The following RERE variants were observed in gnomAD, a reference collection of about 807,000 sequenced individuals.
RERE encodes the protein arginine-glutamic acid dipeptide repeats, also known as arginine-glutamic acid dipeptide repeats protein.
A neutral mutation model predicts 146.1 loss-of-function variants in RERE; 40 were observed. That is an observed-to-expected ratio of 0.27 (90% CI 0.21 to 0.36). The LOEUF (loss-of-function observed/expected upper bound fraction) is 0.36. Among genes scored for constraint, RERE ranks in the 10% least tolerant of loss-of-function variants. The probability of loss-of-function intolerance (pLI) is 1.00; values close to 1 mark genes in which losing one functional copy is unlikely to be tolerated. For synonymous variants in RERE, 1,003 were observed against 866.0 expected, an observed-to-expected ratio of 1.16 and a Z score of -2.78; for missense variants, 1,933 against 2,138.7, an observed-to-expected ratio of 0.90 and a Z score of 1.90.
chr1:8,446,525 GC>G (rs1392271282), intron 11 of RERE, among the ~76,000 whole-genome samples: 19 of 152,126 alleles, frequency 1.2e-4, no homozygotes, highest in Non-Finnish European at 1.5e-5. Context: ...TTGAATGCTG[GC>G]CTGTCTTGCT....
intron 1 of RERE, among the ~76,000 whole-genome samples, chr1:8,806,522 A>AAAT (rs904517094): frequency 1.3e-4 from 19 of 151,998 alleles, no homozygotes; most frequent in South Asian, 1.2e-3. Flanking sequence ...CCATCTCAAA[A>AAAT]AATAATAATA....
At chr1:8,362,908 C>T in intron 15 of RERE, 64 bp from the exon 16 acceptor site, 2 of 1,550,996 alleles carry the variant, frequency 1.3e-6, no homozygotes, top group Non-Finnish European at 1.7e-6. Flanking sequence ...CCCACCTGAG[C>T]CCAACCCACA....
chr1:8,604,124 A>AT (rs1179050489), intron 4 of RERE, among the ~76,000 whole-genome samples: 1 of 152,138 alleles, frequency 6.6e-6, no homozygotes, highest in Non-Finnish European at 1.5e-5. Context: ...TCTGGAACAA[A>AT]TGAATCAGTA....
intron 4 of RERE, among the ~76,000 whole-genome samples, chr1:8,565,300 C>T (rs1646140211): frequency 6.6e-6 from 1 of 152,050 alleles, no homozygotes; most frequent in Non-Finnish European, 1.5e-5. Flanking sequence ...ATTTTGTACT[C>T]CATACATATA....
At chr1:8,365,162 G>A (rs1178010327) in intron 13 of RERE, among the ~76,000 whole-genome samples, 2 of 152,168 alleles carry the variant, frequency 1.3e-5, no homozygotes, top group Non-Finnish European at 2.9e-5. Context: ...TCCCTAATAC[G>A]CCCAGGCAAT....
intron 10 of RERE, among the ~76,000 whole-genome samples, chr1:8,494,072 C>T (rs998294582): frequency 6.6e-6 from 1 of 152,120 alleles, no homozygotes; most frequent in African/African-American, 2.4e-5. Flanking sequence ...GTTATCTGAG[C>T]TGCTGTGTGT....
intron 1 of RERE, among the ~76,000 whole-genome samples, chr1:8,741,588 G>A (rs1235288649): frequency 1.3e-5 from 2 of 151,992 alleles, no homozygotes; most frequent in South Asian, 2.1e-4. Flanking sequence ...TCCCCACTTC[G>A]CTCAGCACTC....
chr1:8,366,918 A>AAG, intron 12 of RERE, among the ~76,000 whole-genome samples: 1 of 1,990 alleles, frequency 5.0e-4, no homozygotes, highest in Non-Finnish European at 1.1e-3. Context: ...AAAAAAAACA[A>AAG]AAAAAAAAAA....
chr1:8,483,259 TAAGTAA>T (rs1644858937), intron 10 of RERE, among the ~76,000 whole-genome samples: 1 of 152,320 alleles, frequency 6.6e-6, no homozygotes, highest in Admixed American at 6.5e-5. Flanking sequence ...TAGAAACATT[TAAGTAA>T]AGGGTGTGGG....
At chr1:8,792,787 C>T (rs1641385810) in intron 1 of RERE, among the ~76,000 whole-genome samples, 1 of 152,152 alleles carries the variant, frequency 6.6e-6, no homozygotes, top group Admixed American at 6.5e-5. Context: ...TTCTTTTTAA[C>T]AGTGTCTTAC....
chr1:8,723,768 T>C (rs920055329), intron 1 of RERE, among the ~76,000 whole-genome samples: 2 of 152,348 alleles, frequency 1.3e-5, no homozygotes, highest in African/African-American at 4.8e-5. Context: ...AACCACTACC[T>C]GTACAGAATA....
At chr1:8,581,903 AT>A (rs1219905318) in intron 4 of RERE, among the ~76,000 whole-genome samples, 2 of 151,800 alleles carry the variant, frequency 1.3e-5, no homozygotes, top group African/African-American at 2.4e-5. Context: ...GTACATAGAG[AT>A]TTTTTTTCCA....
chr1:8,470,813 C>CTTT (rs71580028), intron 10 of RERE, among the ~76,000 whole-genome samples: 29,598 of 74,534 alleles, frequency 0.4, 9,122 homozygotes, highest in East Asian at 0.73. Context: ...AAAGAAATAC[C>CTTT]TTTTTTTTTT....
chr1:8,437,243 C>T (rs942960039), intron 11 of RERE, among the ~76,000 whole-genome samples: 23 of 152,220 alleles, frequency 1.5e-4, no homozygotes, highest in African/African-American at 4.6e-4. Flanking sequence ...TTTGTTTCCC[C>T]TTCTTGACAA....
chr1:8,686,379 A>C (rs1344925126), intron 1 of RERE, among the ~76,000 whole-genome samples: 1 of 152,264 alleles, frequency 6.6e-6, no homozygotes, highest in East Asian at 1.9e-4. Flanking sequence ...GAGATAGAGC[A>C]GTAAACCAAA....
At chr1:8,771,063 A>G (rs932920831) in intron 1 of RERE, among the ~76,000 whole-genome samples, 8 of 152,200 alleles carry the variant, frequency 5.3e-5, no homozygotes, top group Non-Finnish European at 8.8e-5. Context: ...CTATTAATTA[A>G]AAAAAGACAG....
Position 8,498,728 on chromosome 1 carries a change from T to TACACACACAC in RERE, c.880-1200_880-1199insGTGTGTGTGT, listed in dbSNP as rs1216791448. Among the ~76,000 whole-genome samples, 20 of 11,408 alleles carry TACACACACAC rather than the reference T, an allele frequency of 1.8e-3. 1 individual carries two copies. The highest frequency in any genetic ancestry group is 4.9e-3 in the African/African-American group (19 of 3,904). The allele number at this position is 11,408 out of a possible 152,430, so 7.5% of individuals were successfully genotyped here. On this transcript the variant is annotated intron_variant, in intron 8 of 22. Coordinates refer to ENST00000400908, the MANE Select transcript of RERE (RefSeq NM_001042681.2). ...AAAAAAATAAAAAAAAAAAAATAAA[T>TACACACACAC]ATATACACACACACACACACACACA... is the stretch of plus-strand genomic sequence containing the variant.
chr1:8,650,052 G>A (rs1039622941), intron 2 of RERE, among the ~76,000 whole-genome samples: 5 of 152,046 alleles, frequency 3.3e-5, no homozygotes, highest in African/African-American at 4.8e-5. Flanking sequence ...CAAAGGCCCC[G>A]AGGCAGGCGG....
At chr1:8,631,919 CTT>C (rs1647040731) in intron 2 of RERE, among the ~76,000 whole-genome samples, 4 of 152,200 alleles carry the variant, frequency 2.6e-5, no homozygotes, top group African/African-American at 9.7e-5. Context: ...AGGAAGAGAA[CTT>C]CCAGGCTTCA....
Sources: gnomAD v4.1 joint callset for allele counts (sites outside exome capture counted in the v4.1 genomes callset) on GRCh38, gnomAD v4.1.1 for gene constraint, MANE v1.5 for transcripts, NCBI Gene and HGNC (gene_info 2026-07-23, HGNC 2026-07-21) for gene names.